Variants in FHDC1 observed in about 807,000 individuals in gnomAD.
FHDC1 encodes the protein FH2 domain containing 1, also known as FH2 domain-containing protein 1.
FHDC1 carries 25 observed loss-of-function variants against 52.6 expected under a neutral mutation model. The observed-to-expected ratio is 0.48, with a 90% CI of 0.35 to 0.66. FHDC1 has a LOEUF of 0.66. Among genes scored for constraint, FHDC1 ranks in the 30% least tolerant of loss-of-function variants. The pLI is 0.01. For missense variants in FHDC1, 1,459 were observed against 1,452.8 expected (o/e 1.00, Z -0.07); for synonymous variants, 616 against 581.5 (o/e 1.06, Z -0.85).
the FHDC1 span, among the ~76,000 whole-genome samples, chr4:152,925,946 A>G: frequency 6.6e-6 from 1 of 152,024 alleles, no homozygotes. Flanking sequence ...CATAATACAA[A>G]AGCAAGGAGT....
chr4:152,975,627 G>A lies in FHDC1; in HGVS notation c.2336G>A (p.Cys779Tyr), dbSNP rs781544797. 28 of 1,613,544 alleles carry A rather than the reference G, an allele frequency of 1.7e-5. No individual in the cohort carries two copies. The Admixed American group carries it at 4.5e-4, about 26-fold the overall frequency. Residue 779 changes from cysteine to tyrosine, a missense_variant, in exon 12 of 12, where the codon TGC becomes TAC. By Grantham distance (194) the Cys-to-Tyr change is radical (BLOSUM62 -2). Coordinates refer to ENST00000511601, the MANE Select transcript of FHDC1 (RefSeq NM_001371116.1). ...PLFCISDTTD[C>Y]SLTLDCSEGT... ...TTCTGCATCTCGGACACCACCGACT[G>A]CTCACTGACCCTGGACTGCTCAGAG...
the FHDC1 span, chr4:152,911,609 T>C: frequency 9.8e-5 from 15 of 152,796 alleles, no homozygotes; most frequent in Admixed American, 9.1e-4. Context: ...TTCTTCTGTG[T>C]TGAAATGAAG....
At chr4:152,968,953 C>T (rs1377060354) in intron 10 of FHDC1, among the ~76,000 whole-genome samples, 1 of 152,072 alleles carries the variant, frequency 6.6e-6, no homozygotes, top group East Asian at 1.9e-4. Context: ...ACCAGGAGTA[C>T]GCAGGGCCCA....
chr4:152,924,873 AG>A, the FHDC1 span, among the ~76,000 whole-genome samples: 2 of 63,668 alleles, frequency 3.1e-5, no homozygotes, highest in Non-Finnish European at 5.7e-5. Context: ...GGGTGGGGGG[AG>A]GGGGGAGGGA....
the FHDC1 span, among the ~76,000 whole-genome samples, chr4:152,916,793 A>G: frequency 1.3e-5 from 2 of 152,242 alleles, no homozygotes; most frequent in Non-Finnish European, 2.9e-5. Flanking sequence ...GCAGTTTGTC[A>G]ATAAAGAGTA....
chr4:152,919,400 T>A, the FHDC1 span, among the ~76,000 whole-genome samples: 2 of 152,232 alleles, frequency 1.3e-5, no homozygotes, highest in African/African-American at 4.8e-5. Flanking sequence ...AGCTCCAGAC[T>A]GGAATGTCTT....
the FHDC1 span, among the ~76,000 whole-genome samples, chr4:152,923,452 C>T: frequency 6.6e-6 from 1 of 152,108 alleles, no homozygotes; most frequent in Non-Finnish European, 1.5e-5. Context: ...TTTATAGATT[C>T]AGTGCCATCC....
intron 2 of FHDC1, among the ~76,000 whole-genome samples, chr4:152,952,005 T>C (rs1739938667): frequency 6.6e-6 from 1 of 152,198 alleles, no homozygotes; most frequent in South Asian, 2.1e-4. Flanking sequence ...AGGCACATCC[T>C]GATTCCAGAG....
intron 9 of FHDC1, among the ~76,000 whole-genome samples, chr4:152,966,126 T>TA (rs1205965068): frequency 6.6e-6 from 1 of 152,236 alleles, no homozygotes; most frequent in African/African-American, 2.4e-5. Flanking sequence ...GTAATTAGTA[T>TA]AAAAATATTC....
intron 1 of FHDC1, among the ~76,000 whole-genome samples, chr4:152,938,725 G>A (rs1739489918): frequency 6.6e-6 from 1 of 152,198 alleles, no homozygotes; most frequent in South Asian, 2.1e-4. Context: ...AGGAGTCAAG[G>A]AGAAAGGTTT....
chr4:152,925,873 G>GAAGGAGAGGAGA, the FHDC1 span, among the ~76,000 whole-genome samples: 1 of 55,918 alleles, frequency 1.8e-5, no homozygotes, highest in Non-Finnish European at 4.6e-5. Context: ...GAAGAAGGAG[G>GAAGGAGAGGAGA]AGAAGGAGGA....
rs575619105 is a variant in FHDC1, at chr4:152,979,096, C to G, written c.*2373C>G. ...TCTAAGTTTGTGGATTTGTGGATAG[C>G]AGAGGGATCGGGACCTCTTGGAGGA... On this transcript the variant is annotated 3_prime_UTR_variant, in exon 12 of 12. Transcript: ENST00000511601. The G allele has an allele frequency of 4.3e-4, 65 of 152,332 alleles. No individual in the cohort carries two copies. Among genetic ancestry groups the G allele is most frequent in the African/African-American group, 1.4e-3 (59 of 41,568 alleles). 9.4% of individuals were successfully genotyped at this position (152,332 alleles called of 1,614,324 possible). A position where few individuals can be genotyped will look rare whatever the true frequency, so the allele number is the denominator to read the frequency against.
At chr4:152,956,608 C>T (rs1388361613) in intron 4 of FHDC1, among the ~76,000 whole-genome samples, 2 of 152,070 alleles carry the variant, frequency 1.3e-5, no homozygotes, top group Non-Finnish European at 2.9e-5. Context: ...CCAGGCACTG[C>T]CTTGAATCCC....
chr4:152,915,367 G>A, the FHDC1 span, among the ~76,000 whole-genome samples: 338 of 152,270 alleles, frequency 2.2e-3, 4 homozygotes, highest in Admixed American at 0.02. Context: ...CTCCCGCATC[G>A]GCTTCCCAAA....
At chr4:152,953,463 T>A (rs746123561) in intron 2 of FHDC1, 36 bp from the exon 3 acceptor site, 18 of 1,536,898 alleles carry the variant, frequency 1.2e-5, no homozygotes, top group Non-Finnish European at 1.5e-5. Context: ...TTTATTTGAA[T>A]TTAGTAATCC....
chr4:152,973,852 T>G lies in FHDC1; in HGVS notation c.1384-823T>G, dbSNP rs116676231. On this transcript the variant is annotated intron_variant, in intron 11 of 11. Coordinates refer to ENST00000511601, the MANE Select transcript of FHDC1 (RefSeq NM_001371116.1). ...CCAGGTGGTAGAGTGTGCTTTGGTA[T>G]GTGAGCTTGCTCTGGTGCAGTTTCG... is the stretch of plus-strand genomic sequence containing the variant. 5.1e-3 allele frequency among the ~76,000 whole-genome samples: 775 copies of G among 152,372 alleles called. 3 individuals are homozygous for G. The highest frequency in any genetic ancestry group is 0.018 in the African/African-American group (735 of 41,600).
chr4:152,974,577 T>C, intron 11 of FHDC1, 98 bp from the exon 12 acceptor site: 1 of 1,474,660 alleles, frequency 6.8e-7, no homozygotes, highest in Non-Finnish European at 9.0e-7. Context: ...CTCCCCTCCA[T>C]GCCTGTATCT....
Position 152,960,755 on chromosome 4 carries a change from G to T in FHDC1, c.761G>T (p.Arg254Leu). ...TTTTTATTTTTCAGCTATTCACTTCGGATTGAAGCCATGGTGCTAAAGAAG... is the reference window on the plus strand; with the variant it reads ...TTTTTATTTTTCAGCTATTCACTTCTGATTGAAGCCATGGTGCTAAAGAAG... ...GLIQVPNYSL[R>L]IEAMVLKKEF... The change falls in exon 6 of 12, where the codon CGG (arginine) becomes CTG (leucine). Residue 254 changes from arginine to leucine, a missense_variant. Arg to Leu is a moderately radical substitution (Grantham distance 102). This residue lies in a region of FHDC1 where 513 missense variants were observed against 581.5 expected (regional missense o/e 0.88). Transcript: ENST00000511601. 6.2e-7 allele frequency: 1 copy of T among 1,613,066 alleles called. No homozygotes were observed. Among genetic ancestry groups the T allele is most frequent in the Non-Finnish European group, 8.5e-7 (1 of 1,179,790 alleles).
intron 2 of FHDC1, among the ~76,000 whole-genome samples, chr4:152,951,210 A>G (rs996373946): frequency 6.6e-6 from 1 of 152,248 alleles, no homozygotes; most frequent in Non-Finnish European, 1.5e-5. Flanking sequence ...CGTGCTGTGT[A>G]ACTATATCAA....
Sources: allele counts gnomAD v4.1 joint callset (sites outside exome capture counted in the v4.1 genomes callset), GRCh38; gene constraint gnomAD v4.1.1; regional missense constraint gnomAD v4.1.1; transcripts MANE v1.5; gene names NCBI Gene and HGNC (gene_info 2026-07-23, HGNC 2026-07-21).